Variants in RIOK3 observed in about 807,000 individuals in gnomAD.
RIOK3 encodes RIO kinase 3.
RIOK3 carries 40 observed loss-of-function variants against 63.5 expected under a neutral mutation model. That is an observed-to-expected ratio of 0.63 (90% CI 0.49 to 0.82). The LOEUF is 0.82. Among genes scored for constraint, RIOK3 ranks in the 40% least tolerant of loss-of-function variants. The pLI is 0.00. For missense variants in RIOK3, 557 were observed against 637.0 expected (o/e 0.87, Z 1.35); for synonymous variants, 193 against 205.0 (o/e 0.94, Z 0.50).
In RIOK3 at chr18:23,466,232, C is replaced by A; in HGVS notation, c.643C>A (p.Arg215Ser). The change falls in exon 6 of 13, where the codon CGT (arginine) becomes AGT (serine). Residue 215 changes from arginine (R) to serine (S), a missense_variant. By Grantham distance (110) the Arg-to-Ser change is moderately radical. Around this residue, in one of 3 missense-constraint regions of RIOK3, gnomAD observed 243 missense variants for 275.4 expected, o/e 0.88. Coordinates refer to ENST00000339486, the MANE Select transcript of RIOK3 (RefSeq NM_003831.5). ...ALKQHAYSEE[R>S]RSARLHEKKE... is the part of the protein sequence containing the mutation. ...AAAACAACATGCCTACTCAGAAGAA[C>A]GTCGAAGTGCCCGCCTACATGAGAA... The A allele has an allele frequency of 6.2e-7, 1 of 1,611,888 alleles. No homozygotes were observed. The highest frequency in any genetic ancestry group is 8.5e-7 in the Non-Finnish European group (1 of 1,179,086).
chr18:23,463,865 T>C lies in RIOK3; in HGVS notation c.180-102T>C, dbSNP rs1268521423. ...ATGGTTTGATAGAGTTCTTTCCCAT[T>C]GTTCAATTTTAACATGGAAAAGGCA... On this transcript the variant is annotated intron_variant, in intron 2 of 12. Transcript: ENST00000339486. 4.2e-6 allele frequency: 4 copies of C among 959,454 alleles called. No homozygotes were observed. In the African/African-American group the frequency reaches 4.9e-5, roughly 12 times the overall value. 59.4% of individuals were successfully genotyped at this position (959,454 alleles called of 1,614,324 possible).
intron 11 of RIOK3, among the ~76,000 whole-genome samples, chr18:23,478,606 C>CATATATATATAT (rs67305895): frequency 5.3e-5 from 7 of 130,894 alleles, no homozygotes; most frequent in Admixed American, 7.6e-5. Context: ...AAAAACAAAA[C>CATATATATATAT]ATATATATAT....
At chr18:23,462,589 T>G (rs1428986881) in intron 1 of RIOK3, among the ~76,000 whole-genome samples, 1 of 152,208 alleles carries the variant, frequency 6.6e-6, no homozygotes, top group Non-Finnish European at 1.5e-5. Flanking sequence ...TCTATTCCTA[T>G]AAGAAAATCT....
rs1185126579 is a variant in RIOK3, at chr18:23,475,091, A to G, written c.1157A>G (p.Tyr386Cys). ...AATAGTGAAGAAATGAAAGAAGCCT[A>G]CTATCAAACTCTTCATGTAAGTTGT... The part of the protein sequence containing the change: ...KLNSEEMKEA[Y>C]YQTLHLMRQL... The change falls in exon 9 of 13, where the codon TAC (tyrosine) becomes TGC (cysteine). Residue 386 changes from tyrosine to cysteine, a missense_variant. Physicochemically the swap from Tyr to Cys is radical, Grantham distance 194. Around this residue, in one of 3 missense-constraint regions of RIOK3, gnomAD observed 309 missense variants for 338.7 expected, o/e 0.91. Coordinates refer to ENST00000339486, the MANE Select transcript of RIOK3 (RefSeq NM_003831.5). 2 of 1,611,444 alleles carry G rather than the reference A, an allele frequency of 1.2e-6. No individual in the cohort carries two copies. Among genetic ancestry groups the G allele is most frequent in the East Asian group, 2.2e-5 (1 of 44,848 alleles).
intron 5 of RIOK3, among the ~76,000 whole-genome samples, chr18:23,465,504 T>C (rs1432660847): frequency 2.6e-5 from 4 of 152,230 alleles, no homozygotes; most frequent in African/African-American, 9.6e-5. Context: ...TTTCTAGAAA[T>C]ATTCCAGATC....
chr18:23,481,118 G>A (rs896096312), intron 12 of RIOK3, 54 bp from the exon 13 acceptor site: 1 of 1,304,604 alleles, frequency 7.7e-7, no homozygotes, highest in Non-Finnish European at 1.1e-6. Flanking sequence ...CTAAAATATG[G>A]TTTCTGTGAA....
At chr18:23,461,165 C>T (rs564157602) in intron 1 of RIOK3, among the ~76,000 whole-genome samples, 1 of 152,192 alleles carries the variant, frequency 6.6e-6, no homozygotes, top group Non-Finnish European at 1.5e-5. Flanking sequence ...GTCACTTGCC[C>T]AGTTGTCTCT....
In RIOK3 at chr18:23,462,945, C is replaced by A; in HGVS notation, c.64-19C>A. On this transcript the variant is annotated intron_variant, in intron 1 of 12. Transcript: ENST00000339486. ...TTTCATTATGATGAATTGAGCTGTT[C>A]TTTTTTCTTTTTTCATAGTGTCCAT... 8.4e-7 allele frequency: 1 copy of A among 1,197,080 alleles called. No homozygotes were observed. Among genetic ancestry groups the A allele is most frequent in the South Asian group, 1.7e-5 (1 of 57,210 alleles). The allele number at this position is 1,197,080 out of a possible 1,614,324, so 74.2% of individuals were successfully genotyped here. A position where few individuals can be genotyped will look rare whatever the true frequency, so the allele number is the denominator to read the frequency against.
At chr18:23,479,749 GT>G (rs2057519049) in intron 12 of RIOK3, among the ~76,000 whole-genome samples, 1 of 151,916 alleles carries the variant, frequency 6.6e-6, no homozygotes, top group Admixed American at 6.6e-5. Context: ...GCTAATTTTT[GT>G]ATTTTTGGTA....
chr18:23,454,746 G>A (rs2057327115), intron 1 of RIOK3, among the ~76,000 whole-genome samples: 1 of 152,158 alleles, frequency 6.6e-6, no homozygotes, highest in African/African-American at 2.4e-5. Flanking sequence ...TACATCATCA[G>A]AACTATAAAA....
chr18:23,473,970 T>A (rs1031988119), intron 8 of RIOK3, among the ~76,000 whole-genome samples: 9 of 152,326 alleles, frequency 5.9e-5, no homozygotes, highest in African/African-American at 2.2e-4. Context: ...TTTAATTTGT[T>A]AATTTTGTGG....
At position 23,453,448 on chromosome 18, in the gene RIOK3, G is replaced by A. The variant is rs1191534054; in HGVS notation, c.9G>A (p.Leu3=). The A allele has an allele frequency of 1.2e-6, 2 of 1,613,552 alleles. No homozygotes were observed. The highest frequency in any genetic ancestry group is 1.1e-5 in the South Asian group (1 of 91,078). MD[L]VGVASPEPGT... ...TCTGCCTTCATTCCCGAATGGATCT[G>A]GTAGGAGTGGCATCGCCTGAGCCCG... The change falls in exon 1 of 13, where the codon CTG becomes CTA. Residue 3 remains leucine, a synonymous_variant. Coordinates refer to ENST00000339486, the MANE Select transcript of RIOK3 (RefSeq NM_003831.5).
chr18:23,454,030 A>C (rs1362561051), intron 1 of RIOK3, among the ~76,000 whole-genome samples: 1 of 152,248 alleles, frequency 6.6e-6, no homozygotes, highest in Non-Finnish European at 1.5e-5. Context: ...CGGACTGTAA[A>C]GTGCTTATGA....
chr18:23,472,869 TC>T (rs2057465167), intron 7 of RIOK3, among the ~76,000 whole-genome samples: 1 of 152,242 alleles, frequency 6.6e-6, no homozygotes, highest in Non-Finnish European at 1.5e-5. Context: ...GCTGTTCAAA[TC>T]CTACCCATTG....
At chr18:23,464,432 G>T in intron 4 of RIOK3, 87 bp from the exon 5 acceptor site, 1 of 1,164,798 alleles carries the variant, frequency 8.6e-7, no homozygotes, top group Non-Finnish European at 1.2e-6. Flanking sequence ...TTTACTCTTA[G>T]ATTCAAATGT....
At chr18:23,472,158 G>A (rs989037898) in intron 7 of RIOK3, among the ~76,000 whole-genome samples, 4 of 152,128 alleles carry the variant, frequency 2.6e-5, no homozygotes, top group Admixed American at 1.3e-4. Context: ...GCTTGAACCC[G>A]GGAGGTGGAG....
In RIOK3 at chr18:23,481,779, T is replaced by C. The variant is rs1380335646; in HGVS notation, c.*500T>C. On this transcript the variant is annotated 3_prime_UTR_variant, in exon 13 of 13. Transcript: ENST00000339486. ...CGTGATTCTAAAGGAAAATGTGTGCTCTTTAGTGGGTAGAACAAATGGAAA... is the reference window on the plus strand; with the variant it reads ...CGTGATTCTAAAGGAAAATGTGTGCCCTTTAGTGGGTAGAACAAATGGAAA... 1 of 152,314 alleles carries C rather than the reference T, an allele frequency of 6.6e-6. No individual in the cohort carries two copies. Among genetic ancestry groups the C allele is most frequent in the African/African-American group, 2.4e-5 (1 of 41,464 alleles). The allele number at this position is 152,314 out of a possible 1,614,324, so 9.4% of individuals were successfully genotyped here. A position where few individuals can be genotyped will look rare whatever the true frequency, so the allele number is the denominator to read the frequency against.
intron 1 of RIOK3, among the ~76,000 whole-genome samples, chr18:23,453,933 G>C (rs1356598039): frequency 1.3e-5 from 2 of 152,208 alleles, no homozygotes; most frequent in African/African-American, 2.4e-5. Flanking sequence ...GGTTATCCCA[G>C]TTTGGAAATG....
intron 1 of RIOK3, among the ~76,000 whole-genome samples, chr18:23,458,045 C>T (rs2057351693): frequency 6.6e-6 from 1 of 150,890 alleles, no homozygotes; most frequent in Non-Finnish European, 1.5e-5. Context: ...AAGTGTGCAT[C>T]ACCACGCCTG....
Sources: allele counts gnomAD v4.1 joint callset (sites outside exome capture counted in the v4.1 genomes callset), GRCh38; gene constraint gnomAD v4.1.1; regional missense constraint gnomAD v4.1.1; transcripts MANE v1.5; gene names NCBI Gene and HGNC (gene_info 2026-07-23, HGNC 2026-07-21).